Variants in KNDC1 observed in about 807,000 individuals in gnomAD.
The protein encoded by KNDC1 is kinase non-catalytic C-lobe domain containing 1.
KNDC1 carries 106 observed loss-of-function variants against 172.8 expected under a neutral mutation model. The observed-to-expected ratio is 0.61, with a 90% CI of 0.52 to 0.72. KNDC1 has a LOEUF of 0.72. Ranked by LOEUF, KNDC1 falls within the 30% of genes least tolerant of loss-of-function variation. The probability of loss-of-function intolerance (pLI) is 0.00; values close to 1 mark genes in which losing one functional copy is unlikely to be tolerated. For missense variants in KNDC1, 2,325 were observed against 2,394.5 expected, an observed-to-expected ratio of 0.97 and a Z score of 0.61; for synonymous variants, 1,083 against 1,062.2, an observed-to-expected ratio of 1.02 and a Z score of -0.38.
chr10:133,177,700 T>G (rs1054244610), intron 3 of KNDC1, among the ~76,000 whole-genome samples: 1 of 152,026 alleles, frequency 6.6e-6, no homozygotes, highest in Admixed American at 6.5e-5. Context: ...GTGTAATGTG[T>G]GTGTCCATGC....
At chr10:133,185,951 G>T in intron 5 of KNDC1, 23 bp from the exon 6 acceptor site, 2 of 1,558,078 alleles carry the variant, frequency 1.3e-6, no homozygotes, top group East Asian at 2.3e-5. Flanking sequence ...ACCCAGCCGT[G>T]ACCACATCTT....
In KNDC1 at chr10:133,209,014, G is replaced by A. The variant is rs184263355; in HGVS notation, c.3795-1597G>A. ...GTGTGGTGTGTGGTTGTGGGATATC[G>A]TGTGGTGTAGTAGGTACGTGTGCGG... On this transcript the variant is annotated intron_variant, in intron 20 of 29. Transcript: ENST00000304613. The surrounding 1 kb of genome is among the most constrained non-coding windows in gnomAD (Gnocchi z 4.9). Among the ~76,000 whole-genome samples the A allele has an allele frequency of 1.2e-4, 18 of 148,212 alleles. No homozygotes were observed. Among genetic ancestry groups the A allele is most frequent in the East Asian group, 2.1e-4 (1 of 4,832 alleles).
intron 2 of KNDC1, 61 bp from the exon 3 acceptor site, chr10:133,168,193 G>T: frequency 6.7e-7 from 1 of 1,486,824 alleles, no homozygotes; most frequent in South Asian, 1.1e-5. Flanking sequence ...TTCTCAGCTG[G>T]CGGGTTCAGG....
chr10:133,212,110 C>G (rs1845380054), intron 23 of KNDC1, among the ~76,000 whole-genome samples: 1 of 150,810 alleles, frequency 6.6e-6, no homozygotes, highest in Admixed American at 6.6e-5. Context: ...TGCGTGCACA[C>G]TCAATCCACA....
At chr10:133,199,396 A>G (rs1854299502) in intron 14 of KNDC1, 62 bp from the exon 15 acceptor site, 2 of 1,590,590 alleles carry the variant, frequency 1.3e-6, no homozygotes, top group East Asian at 4.5e-5. Flanking sequence ...CATCAGCCAC[A>G]AGGGAACCAG....
intron 15 of KNDC1, among the ~76,000 whole-genome samples, chr10:133,199,909 G>T (rs1332502861): frequency 3.9e-5 from 6 of 152,162 alleles, no homozygotes; most frequent in African/African-American, 1.4e-4. Flanking sequence ...TGGCCACAGG[G>T]CTCCCTGCTC....
chr10:133,202,740 G>T (rs1333689640), intron 17 of KNDC1: 3 of 448,746 alleles, frequency 6.7e-6, no homozygotes, highest in Non-Finnish European at 1.3e-5. Flanking sequence ...TCCCTTCAGG[G>T]CAGGTGAGGG....
chr10:133,209,795 C>T lies in KNDC1; in HGVS notation c.3795-816C>T, dbSNP rs1168250287. Among the ~76,000 whole-genome samples the T allele has an allele frequency of 6.6e-6, 1 of 152,010 alleles. No homozygotes were observed. The highest frequency in any genetic ancestry group is 2.4e-5 in the African/African-American group (1 of 41,358). ...CCCAGGTGAGTGGGTGACCAGGCCC[C>T]TTGTTCCAGGGCCACGCCATCTCCT... On this transcript the variant is annotated intron_variant, in intron 20 of 29. Transcript: ENST00000304613. The surrounding 1 kb of genome is among the most constrained non-coding windows in gnomAD (Gnocchi z 4.9).
chr10:133,215,905 C>T (rs907954645), intron 26 of KNDC1, among the ~76,000 whole-genome samples: 2 of 152,254 alleles, frequency 1.3e-5, no homozygotes, highest in African/African-American at 4.8e-5. Flanking sequence ...TCCCCGTTAG[C>T]AAAAGGGAGC....
At chr10:133,162,933 T>C (rs1370078732) in intron 1 of KNDC1, among the ~76,000 whole-genome samples, 1 of 152,188 alleles carries the variant, frequency 6.6e-6, no homozygotes, top group Non-Finnish European at 1.5e-5. Context: ...GGCCAGCAGG[T>C]CCTGGAGGAA....
chr10:133,181,329 C>A (rs534124752), intron 3 of KNDC1, among the ~76,000 whole-genome samples: 1 of 152,242 alleles, frequency 6.6e-6, no homozygotes, highest in Non-Finnish European at 1.5e-5. Context: ...GGCCCAGGCA[C>A]GAGAGGCTGG....
At chr10:133,212,506 G>A (rs148444630) in intron 23 of KNDC1, among the ~76,000 whole-genome samples, 23 of 152,356 alleles carry the variant, frequency 1.5e-4, no homozygotes, top group East Asian at 5.8e-4. Flanking sequence ...CGTCCTGCCC[G>A]TGGGGCACCT....
At chr10:133,182,942 G>A (rs1329371343) in intron 3 of KNDC1, among the ~76,000 whole-genome samples, 1 of 146,342 alleles carries the variant, frequency 6.8e-6, no homozygotes, top group East Asian at 2.1e-4. Context: ...GGGCACAGGC[G>A]GTGTGGGCAC....
chr10:133,172,583 C>G (rs976556239), intron 3 of KNDC1, among the ~76,000 whole-genome samples: 1 of 152,188 alleles, frequency 6.6e-6, no homozygotes, highest in Non-Finnish European at 1.5e-5. Flanking sequence ...CCCTCCCTTT[C>G]TTTGTCCTGT....
chr10:133,186,684 T>C lies in KNDC1; in HGVS notation c.1326+10T>C, dbSNP rs780588892. 6.4e-7 allele frequency: 1 copy of C among 1,557,158 alleles called. No individual in the cohort carries two copies. The highest frequency in any genetic ancestry group is 2.2e-5 in the East Asian group (1 of 44,536). Reference sequence around the variant, plus strand: ...TGCAGCCGCGGAGCAGGTGGGTGCCTGGGTCTTGTGTGTGGGTGGAGGGGT... The same window carrying C: ...TGCAGCCGCGGAGCAGGTGGGTGCCCGGGTCTTGTGTGTGGGTGGAGGGGT... On this transcript the variant is annotated intron_variant, in intron 6 of 29. Coordinates refer to ENST00000304613, the MANE Select transcript of KNDC1 (RefSeq NM_152643.8).
intron 20 of KNDC1, among the ~76,000 whole-genome samples, chr10:133,207,673 G>A (rs563429119): frequency 2.5e-4 from 38 of 152,334 alleles, no homozygotes; most frequent in Admixed American, 8.5e-4. Flanking sequence ...GCAGCTCGGC[G>A]ATGTGGCCTG....
intron 3 of KNDC1, among the ~76,000 whole-genome samples, chr10:133,174,405 G>A (rs986708941): frequency 4.2e-5 from 6 of 141,680 alleles, no homozygotes; most frequent in Admixed American, 1.4e-4. Context: ...AAGGAAGGGC[G>A]GTGAAGATGG....
At chr10:133,203,000 G>C (rs931040386) in intron 17 of KNDC1, among the ~76,000 whole-genome samples, 2 of 152,056 alleles carry the variant, frequency 1.3e-5, no homozygotes, top group African/African-American at 4.8e-5. Flanking sequence ...CAAACTCACG[G>C]CGTCCAGCCG....
chr10:133,168,002 C>T (rs1853232521), intron 2 of KNDC1, among the ~76,000 whole-genome samples: 1 of 152,240 alleles, frequency 6.6e-6, no homozygotes, highest in Non-Finnish European at 1.5e-5. Flanking sequence ...AGCTGATTTT[C>T]CCTGGTGAAT....
Sources: gnomAD v4.1 joint callset for allele counts (sites outside exome capture counted in the v4.1 genomes callset) on GRCh38, gnomAD v4.1.1 for gene constraint, Gnocchi (gnomAD v3.1) non-coding constraint, MANE v1.5 for transcripts, NCBI Gene and HGNC (gene_info 2026-07-23, HGNC 2026-07-21) for gene names.